Variants in SPAG9 observed in about 807,000 individuals in gnomAD.
The protein encoded by SPAG9 is C-Jun-amino-terminal kinase-interacting protein 4.
In SPAG9, 35 loss-of-function variants were observed where a neutral mutation model predicts 166.5. The observed-to-expected ratio is 0.21, with a 90% confidence interval of 0.16 to 0.28. The LOEUF (loss-of-function observed/expected upper bound fraction) is 0.28, where lower values mean the gene tolerates loss of function less well. Among genes scored for constraint, SPAG9 ranks in the 10% least tolerant of loss-of-function variants. The probability of loss-of-function intolerance (pLI) is 1.00; values close to 1 mark genes in which losing one functional copy is unlikely to be tolerated. For synonymous variants in SPAG9, 534 were observed against 565.5 expected (o/e 0.94, Z 0.79); for missense variants, 1,235 against 1,603.3 (o/e 0.77, Z 3.92).
At chr17:50,984,096 C>A (rs576234515) in intron 24 of SPAG9, among the ~76,000 whole-genome samples, 1 of 152,176 alleles carries the variant, frequency 6.6e-6, no homozygotes, top group South Asian at 2.1e-4. Context: ...TTGGTTGACA[C>A]AAGTACCAAG....
chr17:51,081,327 T>C (rs1205120131), intron 1 of SPAG9, among the ~76,000 whole-genome samples: 2 of 152,174 alleles, frequency 1.3e-5, no homozygotes, highest in African/African-American at 2.4e-5. Context: ...GGCAGGCTCC[T>C]GTAATCCCAG....
chr17:51,092,446 A>G (rs1050112020), intron 1 of SPAG9, among the ~76,000 whole-genome samples: 1 of 152,194 alleles, frequency 6.6e-6, no homozygotes, highest in Non-Finnish European at 1.5e-5. Flanking sequence ...CTACAAAACT[A>G]CATTTAAGAG....
intron 9 of SPAG9, among the ~76,000 whole-genome samples, chr17:51,008,684 C>T (rs988598935): frequency 2.0e-5 from 3 of 152,062 alleles, no homozygotes. Flanking sequence ...GATCAGGGTA[C>T]TTACACCAGA....
intron 27 of SPAG9, 50 bp from the exon 28 acceptor site, chr17:50,974,997 T>C (rs1280355445): frequency 6.5e-7 from 1 of 1,542,484 alleles, no homozygotes; most frequent in African/African-American, 1.4e-5. Context: ...AAAACAGTAA[T>C]GAATGTAAGA....
intron 5 of SPAG9, among the ~76,000 whole-genome samples, chr17:51,037,687 T>TATATATATATATATATATATATATA (rs1568028331): frequency 3.1e-4 from 23 of 74,148 alleles, no homozygotes; most frequent in African/African-American, 5.3e-4. Flanking sequence ...ATATATATAG[T>TATATATATATATATATATATATATA]GTGTGTGTGT....
chr17:51,059,720 G>C (rs1355755886), intron 2 of SPAG9, among the ~76,000 whole-genome samples: 1 of 152,000 alleles, frequency 6.6e-6, no homozygotes, highest in African/African-American at 2.4e-5. Flanking sequence ...AGTGAGACAA[G>C]ATTGCGCCAC....
intron 26 of SPAG9, among the ~76,000 whole-genome samples, chr17:50,978,391 C>T (rs1020614845): frequency 6.6e-6 from 1 of 152,152 alleles, no homozygotes; most frequent in Admixed American, 6.5e-5. Flanking sequence ...GGCAGTAACT[C>T]TAAATGGTTG....
At chr17:50,971,548 A>ACCTCCG (rs1357236038) in intron 28 of SPAG9, among the ~76,000 whole-genome samples, 1 of 134,992 alleles carries the variant, frequency 7.4e-6, no homozygotes, top group South Asian at 2.4e-4. Context: ...GCTCACTGCA[A>ACCTCCG]CCTCCGCCTC....
At chr17:50,977,292 G>A (rs925288696) in intron 26 of SPAG9, 71 bp from the exon 27 acceptor site, 12 of 913,340 alleles carry the variant, frequency 1.3e-5, no homozygotes, top group Non-Finnish European at 1.9e-5. Context: ...AAGTTCCTTA[G>A]AAGTAGCAGG....
chr17:50,992,672 CCT>C (rs1456983455), intron 19 of SPAG9, among the ~76,000 whole-genome samples: 2 of 151,652 alleles, frequency 1.3e-5, no homozygotes, highest in African/African-American at 4.8e-5. Flanking sequence ...AGAGTGAGGC[CCT>C]GTCTCAAAAA....
chr17:51,084,469 A>T (rs977809143), intron 1 of SPAG9, among the ~76,000 whole-genome samples: 4 of 151,452 alleles, frequency 2.6e-5, no homozygotes, highest in African/African-American at 9.7e-5. Context: ...GCTAACTGCA[A>T]CCTCCATCTC....
chr17:51,096,571 C>T (rs373204972), intron 1 of SPAG9, among the ~76,000 whole-genome samples: 3 of 152,052 alleles, frequency 2.0e-5, no homozygotes, highest in South Asian at 2.1e-4. Context: ...AACCTGGCAT[C>T]CTATTTCTAA....
intron 12 of SPAG9, among the ~76,000 whole-genome samples, chr17:51,004,685 G>A (rs571381784): frequency 2.0e-5 from 3 of 152,168 alleles, no homozygotes; most frequent in Non-Finnish European, 2.9e-5. Context: ...AGCTGAGATC[G>A]CAGAACTGCA....
At chr17:51,020,481 C>T (rs1330339605) in intron 7 of SPAG9, among the ~76,000 whole-genome samples, 3 of 152,118 alleles carry the variant, frequency 2.0e-5, no homozygotes, top group Non-Finnish European at 2.9e-5. Flanking sequence ...CCTTGTGTTT[C>T]GTGGAACACA....
chr17:51,027,481 A>G (rs1431331602), intron 6 of SPAG9, among the ~76,000 whole-genome samples: 1 of 151,738 alleles, frequency 6.6e-6, no homozygotes, highest in Admixed American at 6.6e-5. Context: ...AAAATATACT[A>G]CTTTTGGTCA....
chr17:51,012,056 T>C (rs2045507096), intron 9 of SPAG9, among the ~76,000 whole-genome samples: 1 of 152,166 alleles, frequency 6.6e-6, no homozygotes, highest in African/African-American at 2.4e-5. Flanking sequence ...ACAAACAGCA[T>C]AAAGGAATTT....
chr17:51,113,180 C>CAA (rs2049172324), intron 1 of SPAG9, among the ~76,000 whole-genome samples: 1 of 149,652 alleles, frequency 6.7e-6, no homozygotes, highest in Non-Finnish European at 1.5e-5. Context: ...ATGGAGAAAC[C>CAA]CCATCTTTAC....
rs1973190785 is a variant in SPAG9 at position 50,962,830 on chromosome 17, C to T, written c.*3442G>A. 2 of 152,204 alleles carry T rather than the reference C, an allele frequency of 1.3e-5. No individual in the cohort carries two copies. Among genetic ancestry groups the T allele is most frequent in the Admixed American group, 1.3e-4 (2 of 15,272 alleles). The allele number at this position is 152,204 out of a possible 1,614,324, so 9.4% of individuals were successfully genotyped here. A position where few individuals can be genotyped will look rare whatever the true frequency, so the allele number is the denominator to read the frequency against. Reference sequence around the variant, plus strand: ...AGACCTTTACAAGAAATGAACAATACAGTAACTGAAAGAATTGATTTTAAC... The same window carrying T: ...AGACCTTTACAAGAAATGAACAATATAGTAACTGAAAGAATTGATTTTAAC... On this transcript the variant is annotated 3_prime_UTR_variant, in exon 30 of 30. Transcript: ENST00000262013.
intron 25 of SPAG9, among the ~76,000 whole-genome samples, chr17:50,981,523 T>A (rs201408717): frequency 2.5e-5 from 3 of 118,858 alleles, no homozygotes; most frequent in African/African-American, 9.5e-5. Context: ...GATAGATAGA[T>A]AGATAGAAAG....
Sources: allele counts gnomAD v4.1 joint callset (sites outside exome capture counted in the v4.1 genomes callset), GRCh38; gene constraint gnomAD v4.1.1; transcripts MANE v1.5; gene names NCBI Gene and HGNC (gene_info 2026-07-23, HGNC 2026-07-21).